BMERB1: variants seen among roughly 807,000 people sequenced by gnomAD.
BMERB1 encodes the protein bMERB domain-containing protein 1.
Under a neutral mutation model 23.6 loss-of-function variants are expected in BMERB1, and 12 were observed. The ratio of observed to expected loss-of-function variants is 0.51; its 90% CI spans 0.33 to 0.82. The LOEUF (loss-of-function observed/expected upper bound fraction) is 0.82. BMERB1 is among the 40% of genes least tolerant of loss of function. The pLI, the probability that BMERB1 is intolerant of heterozygous loss-of-function variation, is 0.03. For missense variants in BMERB1, 247 were observed against 255.4 expected (o/e 0.97, Z 0.22); for synonymous variants, 122 against 96.6 (o/e 1.26, Z -1.54).
chr16:15,541,862 A>C (rs1004965940), intron 2 of BMERB1, among the ~76,000 whole-genome samples: 1 of 150,462 alleles, frequency 6.6e-6, no homozygotes, highest in African/African-American at 2.4e-5. Context: ...TCGGCCTCCC[A>C]AAGTGCTGGG....
intron 2 of BMERB1, among the ~76,000 whole-genome samples, chr16:15,520,686 A>G (rs966343429): frequency 2.0e-5 from 3 of 151,696 alleles, no homozygotes; most frequent in Non-Finnish European, 4.4e-5. Context: ...ACGGGGTTTC[A>G]CCGTGTTAGC....
intron 2 of BMERB1, among the ~76,000 whole-genome samples, chr16:15,519,990 A>C (rs1020669840): frequency 2.0e-5 from 3 of 152,090 alleles, no homozygotes; most frequent in Admixed American, 1.3e-4. Flanking sequence ...GAGGGAGCAC[A>C]CAGAGTTGCT....
Position 15,523,956 on chromosome 16 carries a change from A to G in BMERB1, c.230+8528A>G, listed in dbSNP as rs552836334. On this transcript the variant is annotated intron_variant, in intron 2 of 5. Coordinates refer to ENST00000300006, the MANE Select transcript of BMERB1 (RefSeq NM_033201.3). ...GCCAACTCTCTTGAGAGTGGCTCTC[A>G]ACCATTAAGTGCAACTCTACCCTGG... Among the ~76,000 whole-genome samples, 4 of 152,280 alleles carry G rather than the reference A, an allele frequency of 2.6e-5. No homozygotes were observed. The East Asian group carries it at 7.7e-4, about 29-fold the overall frequency.
intron 3 of BMERB1, among the ~76,000 whole-genome samples, chr16:15,580,966 A>G (rs2030999312): frequency 2.0e-5 from 3 of 151,170 alleles, no homozygotes; most frequent in Admixed American, 2.0e-4. Context: ...GCGCAGTCTC[A>G]GCTCACTGCA....
chr16:15,482,375 C>T (rs948818201), intron 1 of BMERB1, among the ~76,000 whole-genome samples: 1 of 152,164 alleles, frequency 6.6e-6, no homozygotes, highest in African/African-American at 2.4e-5. Flanking sequence ...AGAGACACTT[C>T]CCTGCTGCCT....
intron 3 of BMERB1, among the ~76,000 whole-genome samples, chr16:15,571,866 A>G (rs11866772): frequency 0.015 from 2,306 of 151,980 alleles, 62 homozygotes; most frequent in African/African-American, 0.053. Context: ...CCTTTATCCT[A>G]TGTAAAATGC....
At chr16:15,502,323 T>C (rs1258475369) in intron 1 of BMERB1, 1 of 1,551,278 alleles carries the variant, frequency 6.4e-7, no homozygotes, top group Non-Finnish European at 8.7e-7. Context: ...AATTCTTCCA[T>C]GTGGGGCGAC....
At position 15,448,934 on chromosome 16, in the gene BMERB1, C is replaced by A. The variant is rs2051015264; in HGVS notation, c.106+14175C>A. Among the ~76,000 whole-genome samples, 4 of 152,140 alleles carry A rather than the reference C, an allele frequency of 2.6e-5. 1 individual carries two copies. Among genetic ancestry groups the A allele is most frequent in the African/African-American group, 7.2e-5 (3 of 41,430 alleles). On this transcript the variant is annotated intron_variant, in intron 1 of 5. Coordinates refer to ENST00000300006, the MANE Select transcript of BMERB1 (RefSeq NM_033201.3). ...AGGTACCATGAATGGGAACCGGCAG[C>A]CAAGTGACAGTGTTGTGATGGGTAT... is the stretch of plus-strand genomic sequence containing the variant.
At chr16:15,553,288 A>G (rs954470446) in intron 2 of BMERB1, among the ~76,000 whole-genome samples, 1 of 152,198 alleles carries the variant, frequency 6.6e-6, no homozygotes, top group Non-Finnish European at 1.5e-5. Flanking sequence ...GACTACAGGC[A>G]TGAGCCACCG....
rs557459130 is a variant in BMERB1 at position 15,538,123 on chromosome 16, A to T, written c.230+22695A>T. On this transcript the variant is annotated intron_variant, in intron 2 of 5. Transcript: ENST00000300006. ...TCTTGAGTCGATAGGAGGCTTCCCC[A>T]CGTGGAGTTTGGTGAGCTATACCAG... Among the ~76,000 whole-genome samples the T allele has an allele frequency of 2.8e-4, 42 of 152,272 alleles. 1 individual carries two copies. The South Asian group carries it at 6.8e-3, about 25-fold the overall frequency.
intron 1 of BMERB1, among the ~76,000 whole-genome samples, chr16:15,480,184 C>T (rs1190915370): frequency 6.6e-6 from 1 of 151,200 alleles, no homozygotes; most frequent in Non-Finnish European, 1.5e-5. Context: ...ACGATCTCGG[C>T]TCACTGCAAG....
At chr16:15,545,414 A>G (rs2150964303) in intron 2 of BMERB1, among the ~76,000 whole-genome samples, 1 of 152,296 alleles carries the variant, frequency 6.6e-6, no homozygotes, top group African/African-American at 2.4e-5. Flanking sequence ...AATTGTCCCC[A>G]TCCAGACTTC....
chr16:15,507,704 T>A (rs935177191), intron 1 of BMERB1, among the ~76,000 whole-genome samples: 1 of 152,176 alleles, frequency 6.6e-6, no homozygotes, highest in Non-Finnish European at 1.5e-5. Context: ...AGGAACAGTC[T>A]AGCAGGCTAA....
intron 2 of BMERB1, among the ~76,000 whole-genome samples, chr16:15,547,923 A>T (rs1332200901): frequency 6.6e-6 from 1 of 152,194 alleles, no homozygotes; most frequent in East Asian, 1.9e-4. Context: ...AGTGGTTATC[A>T]GGATTGAGAT....
At chr16:15,586,301 T>C (rs1176670188) in intron 5 of BMERB1, among the ~76,000 whole-genome samples, 1 of 152,096 alleles carries the variant, frequency 6.6e-6, no homozygotes, top group Non-Finnish European at 1.5e-5. Context: ...GAGGTGGAGG[T>C]ATCTGAAAAG....
intron 3 of BMERB1, among the ~76,000 whole-genome samples, chr16:15,580,634 AC>A (rs1310753731): frequency 1.4e-5 from 2 of 144,300 alleles, no homozygotes; most frequent in East Asian, 2.0e-4. Context: ...TGCAAGCTCC[AC>A]CTCCCGGGTT....
intron 2 of BMERB1, among the ~76,000 whole-genome samples, chr16:15,544,780 G>A (rs2052116716): frequency 6.6e-6 from 1 of 152,134 alleles, no homozygotes; most frequent in Admixed American, 6.5e-5. Context: ...TAGCTCATAT[G>A]AGTGACTGCT....
intron 3 of BMERB1, among the ~76,000 whole-genome samples, chr16:15,569,080 G>T (rs1202008773): frequency 1.3e-5 from 2 of 152,108 alleles, no homozygotes; most frequent in South Asian, 2.1e-4. Context: ...GCCAGGGGTG[G>T]TGGCGGGTGC....
intron 1 of BMERB1, among the ~76,000 whole-genome samples, chr16:15,508,462 A>G (rs2051618928): frequency 6.6e-6 from 1 of 152,032 alleles, no homozygotes; most frequent in Non-Finnish European, 1.5e-5. Flanking sequence ...GAACAACTCT[A>G]CTTACAACAT....
Sources: gnomAD v4.1 joint callset for allele counts (sites outside exome capture counted in the v4.1 genomes callset) on GRCh38, gnomAD v4.1.1 for gene constraint, MANE v1.5 for transcripts, NCBI Gene and HGNC (gene_info 2026-07-23, HGNC 2026-07-21) for gene names.